SUPT3H: variants seen among roughly 807,000 people sequenced by gnomAD.
The protein encoded by SUPT3H is transcription initiation protein SPT3 homolog.
A neutral mutation model predicts 44.3 loss-of-function variants in SUPT3H; 44 were observed. The ratio of observed to expected loss-of-function variants is 0.99; its 90% confidence interval spans 0.78 to 1.28. The LOEUF is 1.28. Ranked by LOEUF, SUPT3H falls within the 50% of genes most tolerant of loss-of-function variation. The probability of loss-of-function intolerance (pLI) is 0.00; values close to 1 mark genes in which losing one functional copy is unlikely to be tolerated. For missense variants in SUPT3H, 380 were observed against 387.1 expected, an observed-to-expected ratio of 0.98 and a Z score of 0.15; for synonymous variants, 124 against 125.6, an observed-to-expected ratio of 0.99 and a Z score of 0.09.
At chr6:45,180,605 C>T (rs1210425523) in intron 2 of SUPT3H, among the ~76,000 whole-genome samples, 1 of 151,722 alleles carries the variant, frequency 6.6e-6, no homozygotes, top group African/African-American at 2.4e-5. Flanking sequence ...CTGAGAAAAA[C>T]AAGCAATGGG....
intron 9 of SUPT3H, among the ~76,000 whole-genome samples, chr6:44,949,969 C>T (rs1774026526): frequency 6.6e-6 from 1 of 152,180 alleles, no homozygotes; most frequent in Admixed American, 6.5e-5. Flanking sequence ...TTTGTCCTTC[C>T]AGACTTGTAC....
chr6:45,290,361 A>T (rs1780110098), intron 2 of SUPT3H, among the ~76,000 whole-genome samples: 1 of 151,846 alleles, frequency 6.6e-6, no homozygotes, highest in Non-Finnish European at 1.5e-5. Context: ...CCAGGCACAG[A>T]TCAAACTACA....
chr6:45,282,949 G>A (rs915451192), intron 2 of SUPT3H, among the ~76,000 whole-genome samples: 1 of 152,124 alleles, frequency 6.6e-6, no homozygotes, highest in Non-Finnish European at 1.5e-5. Context: ...TTAAGGAAAA[G>A]AATTTTTAAC....
At chr6:45,045,911 T>C (rs1789319412) in intron 3 of SUPT3H, among the ~76,000 whole-genome samples, 1 of 152,188 alleles carries the variant, frequency 6.6e-6, no homozygotes, top group Non-Finnish European at 1.5e-5. Flanking sequence ...AGTTTTTTAA[T>C]GTTGGTGAAG....
At chr6:44,994,457 C>A (rs1335546177) in intron 6 of SUPT3H, among the ~76,000 whole-genome samples, 1 of 152,084 alleles carries the variant, frequency 6.6e-6, no homozygotes, top group East Asian at 1.9e-4. Context: ...CACTGAAGGA[C>A]CTTTGTGGCT....
Position 45,321,740 on chromosome 6 carries a change from T to G in SUPT3H, c.101+43461A>C, listed in dbSNP as rs1785526058. The G allele has an allele frequency of 3.3e-6, 4 of 1,210,160 alleles. No individual in the cohort carries two copies. The Admixed American group carries it at 5.5e-5, about 17-fold the overall frequency. 75.0% of individuals were successfully genotyped at this position (1,210,160 alleles called of 1,614,324 possible). A position where few individuals can be genotyped will look rare whatever the true frequency, so the allele number is the denominator to read the frequency against. ...TTTGTATCTAATACATTCTCTCTTC[T>G]ACCCATAAACTTGTTCTCTTGAAAA... On this transcript the variant is annotated intron_variant, in intron 2 of 10. Coordinates refer to ENST00000371459, the MANE Select transcript of SUPT3H (RefSeq NM_003599.4).
At chr6:45,325,861 T>C (rs1786260824) in intron 2 of SUPT3H, among the ~76,000 whole-genome samples, 2 of 151,848 alleles carry the variant, frequency 1.3e-5, no homozygotes, top group African/African-American at 2.4e-5. Context: ...TACAACAAAG[T>C]AATATTTGCT....
At chr6:45,217,470 G>T (rs1188023998) in intron 2 of SUPT3H, among the ~76,000 whole-genome samples, 1 of 149,364 alleles carries the variant, frequency 6.7e-6, no homozygotes. Flanking sequence ...GCAAGATTCC[G>T]CCTCAAAAAT....
intron 3 of SUPT3H, among the ~76,000 whole-genome samples, chr6:45,088,556 CTG>C: frequency 6.6e-6 from 1 of 152,124 alleles, no homozygotes; most frequent in East Asian, 1.9e-4. Context: ...ATGCTCAAGA[CTG>C]TATAACTGGC....
chr6:45,217,003 C>G (rs991713725), intron 2 of SUPT3H, among the ~76,000 whole-genome samples: 3 of 152,030 alleles, frequency 2.0e-5, no homozygotes, highest in African/African-American at 7.2e-5. Flanking sequence ...AGAGAGATTA[C>G]AAGGTAGGAC....
intron 10 of SUPT3H, among the ~76,000 whole-genome samples, chr6:44,884,775 G>A (rs1290240852): frequency 1.3e-5 from 2 of 152,162 alleles, no homozygotes; most frequent in African/African-American, 4.8e-5. Flanking sequence ...AGGTCAGTGG[G>A]TGCAGCACAC....
intron 3 of SUPT3H, among the ~76,000 whole-genome samples, chr6:45,049,960 A>G (rs112809617): frequency 1.3e-5 from 2 of 152,296 alleles, no homozygotes; most frequent in African/African-American, 4.8e-5. Flanking sequence ...ACTTGACAGT[A>G]AGATAAATAT....
chr6:44,929,769 C>CTTTT (rs35174513), intron 10 of SUPT3H, among the ~76,000 whole-genome samples: 2 of 143,890 alleles, frequency 1.4e-5, no homozygotes, highest in Non-Finnish European at 3.0e-5. Flanking sequence ...CATGAGCTCC[C>CTTTT]TTTTTTTTTT....
intron 9 of SUPT3H, among the ~76,000 whole-genome samples, chr6:44,951,414 T>C (rs950271601): frequency 1.3e-5 from 2 of 152,108 alleles, no homozygotes; most frequent in African/African-American, 4.8e-5. Context: ...CAATTTGGTA[T>C]AGTATTTGAT....
chr6:45,104,825 A>C (rs1799058954), intron 3 of SUPT3H, among the ~76,000 whole-genome samples: 1 of 152,068 alleles, frequency 6.6e-6, no homozygotes, highest in Non-Finnish European at 1.5e-5. Context: ...GAATGATTCA[A>C]GATTTTAAAG....
chr6:45,000,709 A>G (rs1317756428), intron 6 of SUPT3H, among the ~76,000 whole-genome samples: 1 of 151,988 alleles, frequency 6.6e-6, no homozygotes, highest in Non-Finnish European at 1.5e-5. Flanking sequence ...TATGTATATC[A>G]CTCTGCTTTC....
At chr6:44,937,846 G>C (rs1037600530) in intron 9 of SUPT3H, among the ~76,000 whole-genome samples, 1 of 149,926 alleles carries the variant, frequency 6.7e-6, no homozygotes. Flanking sequence ...GTCCCCTGTC[G>C]GATGCACAAT....
chr6:45,302,160 G>A (rs571391908), intron 2 of SUPT3H, among the ~76,000 whole-genome samples: 59 of 152,010 alleles, frequency 3.9e-4, no homozygotes, highest in Non-Finnish European at 7.8e-4. Context: ...GGTCACATGA[G>A]TAAGTTTTTT....
At chr6:45,120,845 C>T (rs1350508693) in intron 2 of SUPT3H, among the ~76,000 whole-genome samples, 1 of 152,092 alleles carries the variant, frequency 6.6e-6, no homozygotes, top group Non-Finnish European at 1.5e-5. Flanking sequence ...AGAAATTTCT[C>T]AGGTTCTGAG....
Sources: allele counts gnomAD v4.1 joint callset (sites outside exome capture counted in the v4.1 genomes callset), GRCh38; gene constraint gnomAD v4.1.1; transcripts MANE v1.5; gene names NCBI Gene and HGNC (gene_info 2026-07-23, HGNC 2026-07-21).